The following PCNT variants were observed in gnomAD, a reference collection of about 807,000 sequenced individuals.
PCNT encodes the protein kendrin.
A neutral mutation model predicts 380.4 loss-of-function variants in PCNT; 319 were observed. That is an observed-to-expected ratio of 0.84 (90% CI 0.77 to 0.92). The LOEUF (loss-of-function observed/expected upper bound fraction) is 0.92, where lower values mean the gene tolerates loss of function less well. PCNT is among the 40% of genes least tolerant of loss of function. The pLI, the probability that PCNT is intolerant of heterozygous loss-of-function variation, is 0.00. For synonymous variants in PCNT, 1,845 were observed against 1,735.2 expected (o/e 1.06, Z -1.57); for missense variants, 4,400 against 4,255.3 (o/e 1.03, Z -0.95).
rs199824488 is a variant in PCNT, at chr21:46,416,647, C to T, written c.6729C>T (p.Pro2243=). The T allele has an allele frequency of 4.0e-4, 631 of 1,565,594 alleles. 5 individuals are homozygous for T. Among genetic ancestry groups the T allele is most frequent in the Non-Finnish European group, 1.0e-4 (117 of 1,157,446 alleles). Residue 2243 remains proline, a synonymous_variant, in exon 30 of 47, where the codon CCC becomes CCT. Coordinates refer to ENST00000359568, the MANE Select transcript of PCNT (RefSeq NM_006031.6). ...DWTLEPWPSL[P]VTPHSGALSL... is the part of the protein sequence containing the mutation. ...CCCTGGAGCCCTGGCCCAGCCTCCC[C>T]GTGACACCCCACTCAGGAGCCCTGA...
chr21:46,369,248 T>C lies in PCNT; in HGVS notation c.3165+2109T>C, dbSNP rs555144515. Among the ~76,000 whole-genome samples, 41 of 152,376 alleles carry C rather than the reference T, an allele frequency of 2.7e-4. 2 individuals are homozygous for C. In the South Asian group the frequency reaches 7.7e-3, roughly 28 times the overall value. ...GGATGTGTTTTGTTTGTTTCTTTTT[T>C]GTTTTTTAAAAGACAGGGTCTCCCT... On this transcript the variant is annotated intron_variant, in intron 15 of 46. Coordinates refer to ENST00000359568, the MANE Select transcript of PCNT (RefSeq NM_006031.6).
At chr21:46,418,431 T>C in intron 31 of PCNT, 125 bp downstream of exon 31, 1 of 709,710 alleles carries the variant, frequency 1.4e-6, no homozygotes, top group Non-Finnish European at 2.5e-6. Context: ...CCACCCCGGC[T>C]CTGCGCTTTG....
chr21:46,441,201 A>C (rs1817874857), intron 43 of PCNT, 117 bp downstream of exon 43: 1 of 730,832 alleles, frequency 1.4e-6, no homozygotes. Flanking sequence ...TTCTTTTTAA[A>C]GATGAATGGC....
chr21:46,347,562 C>CT, intron 6 of PCNT, 50 bp downstream of exon 6: 2 of 1,575,100 alleles, frequency 1.3e-6, no homozygotes, highest in Non-Finnish European at 1.7e-6. Flanking sequence ...GTTGTTTTTC[C>CT]TTTCTCGCCA....
At position 46,367,043 on chromosome 21, in the gene PCNT, C is replaced by T. The variant is rs772791850; in HGVS notation, c.3069C>T (p.His1023=). The T allele has an allele frequency of 1.5e-5, 25 of 1,613,928 alleles. No homozygotes were observed. The highest frequency in any genetic ancestry group is 1.3e-4 in the African/African-American group (10 of 74,916). Residue 1023 remains histidine, a synonymous_variant, in exon 15 of 47, where the codon CAC becomes CAT. Coordinates refer to ENST00000359568, the MANE Select transcript of PCNT (RefSeq NM_006031.6). The stretch of plus-strand genomic sequence containing the variant: ...AGTTGGAGAAACTGAAGCGGAAACA[C>T]GAAGGGGAGCTACAGTCTGTGCGGG... The part of the protein sequence containing the change: ...TQELEKLKRK[H]EGELQSVRDH...
At chr21:46,442,626 C>T in intron 44 of PCNT, 53 bp downstream of exon 44, 1 of 1,125,760 alleles carries the variant, frequency 8.9e-7, no homozygotes, top group Non-Finnish European at 1.4e-6. Context: ...TCTTTCTACT[C>T]TTGTTTTTCA....
rs2086427427 is a variant in PCNT, at chr21:46,401,545, T to C, written c.4792-6T>C. 1.9e-6 allele frequency: 3 copies of C among 1,610,956 alleles called. No homozygotes were observed. The African/African-American group carries it at 4.0e-5, about 21-fold the overall frequency. On this transcript the variant is annotated splice_polypyrimidine_tract_variant and splice_region_variant and intron_variant, in intron 25 of 46. Coordinates refer to ENST00000359568, the MANE Select transcript of PCNT (RefSeq NM_006031.6). ...GCCTAAAATAGAGTTCTTTTTTTTT[T>C]AATAGGATAAAGAGGTGTTAAAGAA...
intron 13 of PCNT, among the ~76,000 whole-genome samples, chr21:46,357,463 A>C (rs2084518889): frequency 6.6e-6 from 1 of 152,164 alleles, no homozygotes; most frequent in Non-Finnish European, 1.5e-5. Context: ...TTTTGTTTTG[A>C]GACAGTCTCA....
rs746970938 is a variant in PCNT at position 46,436,964 on chromosome 21, C to T, written c.8997-15C>T. The T allele has an allele frequency of 6.3e-7, 1 of 1,587,952 alleles. No individual in the cohort carries two copies. Among genetic ancestry groups the T allele is most frequent in the Non-Finnish European group, 8.6e-7 (1 of 1,156,142 alleles). ...GGGCGCGTATGCAACTTTGAGTGCC[C>T]ATTTATTTTTACAGGACAGTTAATG... On this transcript the variant is annotated splice_polypyrimidine_tract_variant and intron_variant, in intron 39 of 46. Transcript: ENST00000359568.
chr21:46,353,334 AAGCAGTTCC>A lies in PCNT; in HGVS notation c.1679+12_1679+20del. On this transcript the variant is annotated intron_variant, in intron 10 of 46. Transcript: ENST00000359568. ...GGACTCTGTGGAAGTTGGGTAAGCAAAGCAGTTCCAGCCTCAGTGAGTTTCTGCCATACA... is the reference window on the plus strand; with the variant it reads ...GGACTCTGTGGAAGTTGGGTAAGCAAAGCCTCAGTGAGTTTCTGCCATACA... 1 of 1,610,672 alleles carries A rather than the reference AAGCAGTTCC, an allele frequency of 6.2e-7. No homozygotes were observed. Among genetic ancestry groups the A allele is most frequent in the South Asian group, 1.1e-5 (1 of 91,028 alleles).
intron 27 of PCNT, among the ~76,000 whole-genome samples, chr21:46,406,729 T>C (rs1483461646): frequency 6.6e-6 from 1 of 152,248 alleles, no homozygotes; most frequent in Non-Finnish European, 1.5e-5. Context: ...TTTAGGTTTT[T>C]CACAGGTGCC....
chr21:46,418,169 C>T, intron 30 of PCNT, 35 bp from the exon 31 acceptor site: 2 of 1,284,328 alleles, frequency 1.6e-6, no homozygotes, highest in South Asian at 1.2e-5. Context: ...TGTAATTACT[C>T]ATTATTTTAT....
Position 46,366,774 on chromosome 21 carries a change from T to C in PCNT, c.2800T>C (p.Leu934=). ...CGCGTTGGGCGAGCTGACAGCCTCC[T>C]TAGAGAGCAAGCAGGGGGCTCTGCT... ...QAALGELTAS[L]ESKQGALLAA... is the part of the protein sequence containing the mutation. The change falls in exon 15 of 47, where the codon TTA becomes CTA. Residue 934 remains leucine, a synonymous_variant. Transcript: ENST00000359568. 1 of 1,613,628 alleles carries C rather than the reference T, an allele frequency of 6.2e-7. No homozygotes were observed. The highest frequency in any genetic ancestry group is 8.5e-7 in the Non-Finnish European group (1 of 1,180,026).
intron 12 of PCNT, among the ~76,000 whole-genome samples, chr21:46,356,581 C>G (rs2084486475): frequency 6.6e-6 from 1 of 152,256 alleles, no homozygotes; most frequent in Non-Finnish European, 1.5e-5. Flanking sequence ...AGCTCAGGCC[C>G]TGTCCTTGTG....
Position 46,384,206 on chromosome 21 carries a change from A to G in PCNT, c.3313-1626A>G, listed in dbSNP as rs1350295776. 4.3e-3 allele frequency among the ~76,000 whole-genome samples: 413 copies of G among 96,864 alleles called. 14 individuals carry two copies. The highest frequency in any genetic ancestry group is 6.5e-3 in the Non-Finnish European group (293 of 45,124). The allele number at this position is 96,864 out of a possible 152,430, so 63.5% of individuals were successfully genotyped here. A position where few individuals can be genotyped will look rare whatever the true frequency, so the allele number is the denominator to read the frequency against. On this transcript the variant is annotated intron_variant, in intron 16 of 46. Transcript: ENST00000359568. ...TTCACGGTGTTGTGCGTTCAGTGGC[A>G]GAAGCGCATTCACGGTGTTGTGCGT...
At position 46,325,009 on chromosome 21, in the gene PCNT, G is replaced by A. The variant is rs1049446288; in HGVS notation, c.54+727G>A. The A allele has an allele frequency of 1.1e-4, 106 of 985,264 alleles. No homozygotes were observed. The African/African-American group carries it at 1.8e-3, about 17-fold the overall frequency. 61.0% of individuals were successfully genotyped at this position (985,264 alleles called of 1,614,324 possible). ...GGCGTACGCTGCCGGGAACCCACGC[G>A]GCGCTGGCGCCGGGCGCCTTCAAGG... On this transcript the variant is annotated intron_variant, in intron 1 of 46. Coordinates refer to ENST00000359568, the MANE Select transcript of PCNT (RefSeq NM_006031.6).
intron 38 of PCNT, among the ~76,000 whole-genome samples, chr21:46,433,288 C>T (rs1194382702): frequency 3.3e-5 from 5 of 152,350 alleles, no homozygotes. Flanking sequence ...GAGGCTGGGG[C>T]AGGAGAATTG....
Position 46,384,416 on chromosome 21 carries a change from G to A in PCNT, c.3313-1416G>A, listed in dbSNP as rs370718110. ...GTGTTGTGCATTCAGCAGCGGAAGC[G>A]CATTCACCATGTTGTATATTCAGTG... On this transcript the variant is annotated intron_variant, in intron 16 of 46. Coordinates refer to ENST00000359568, the MANE Select transcript of PCNT (RefSeq NM_006031.6). Among the ~76,000 whole-genome samples, 39 of 144,766 alleles carry A rather than the reference G, an allele frequency of 2.7e-4. 3 individuals carry two copies. Among genetic ancestry groups the A allele is most frequent in the African/African-American group, 9.6e-4 (38 of 39,538 alleles). The allele number at this position is 144,766 out of a possible 152,430, so 95.0% of individuals were successfully genotyped here. A position where few individuals can be genotyped will look rare whatever the true frequency, so the allele number is the denominator to read the frequency against.
In PCNT at chr21:46,431,741, G is replaced by C; in HGVS notation, c.8277G>C (p.Glu2759Asp). The C allele has an allele frequency of 6.2e-7, 1 of 1,612,464 alleles. No individual in the cohort carries two copies. The highest frequency in any genetic ancestry group is 8.5e-7 in the Non-Finnish European group (1 of 1,179,878). ...AEKSRTLELS[E>D]ALRHERLLTE... ...AGAGCCGCACCCTGGAGCTGTCAGAGGCCTTGCGGCACGAGCGGCTCCTGA... is the reference window on the plus strand; with the variant it reads ...AGAGCCGCACCCTGGAGCTGTCAGACGCCTTGCGGCACGAGCGGCTCCTGA... Residue 2759 changes from glutamate to aspartate, a missense_variant, in exon 38 of 47, where the codon GAG becomes GAC. By Grantham distance (45) the Glu-to-Asp change is conservative. Transcript: ENST00000359568.
Sources: allele counts gnomAD v4.1 joint callset (sites outside exome capture counted in the v4.1 genomes callset), GRCh38; gene constraint gnomAD v4.1.1; transcripts MANE v1.5; gene names NCBI Gene and HGNC (gene_info 2026-07-23, HGNC 2026-07-21).